The following ADGRL2 variants were observed in gnomAD, a reference collection of about 807,000 sequenced individuals.
The protein encoded by ADGRL2 is calcium-independent alpha-latrotoxin receptor 2.
A neutral mutation model predicts 157.4 loss-of-function variants in ADGRL2; 44 were observed. That is an observed-to-expected ratio of 0.28 (90% CI 0.22 to 0.36). The LOEUF (loss-of-function observed/expected upper bound fraction) is 0.36, where lower values mean the gene tolerates loss of function less well. Ranked by LOEUF, ADGRL2 falls within the 10% of genes least tolerant of loss-of-function variation. The probability of loss-of-function intolerance (pLI) is 1.00; values close to 1 mark genes in which losing one functional copy is unlikely to be tolerated. For synonymous variants in ADGRL2, 585 were observed against 624.7 expected, an observed-to-expected ratio of 0.94 and a Z score of 0.95; for missense variants, 1,510 against 1,768.9, an observed-to-expected ratio of 0.85 and a Z score of 2.63.
intron 2 of ADGRL2, among the ~76,000 whole-genome samples, chr1:81,538,199 G>T (rs2148302607): frequency 6.6e-6 from 1 of 152,180 alleles, no homozygotes; most frequent in Non-Finnish European, 1.5e-5. Context: ...GAATTTTGTT[G>T]GGTTATCATG....
intron 2 of ADGRL2, among the ~76,000 whole-genome samples, chr1:81,459,562 C>G (rs2077878126): frequency 6.6e-6 from 1 of 152,020 alleles, no homozygotes; most frequent in Non-Finnish European, 1.5e-5. Context: ...TTTTCTTTAT[C>G]CATTCATCTG....
chr1:81,451,812 T>G (rs532833696), intron 2 of ADGRL2, among the ~76,000 whole-genome samples: 1 of 152,330 alleles, frequency 6.6e-6, no homozygotes, highest in Non-Finnish European at 1.5e-5. Context: ...TTTTGTTAAT[T>G]AAAACCACTC....
chr1:81,789,837 T>TA (rs1279831683), intron 2 of ADGRL2, among the ~76,000 whole-genome samples: 2 of 151,998 alleles, frequency 1.3e-5, no homozygotes, highest in Admixed American at 6.6e-5. Context: ...ATAATATTAA[T>TA]AAAAAAATTT....
chr1:81,618,410 T>A (rs2081711142), intron 3 of ADGRL2, among the ~76,000 whole-genome samples: 1 of 152,212 alleles, frequency 6.6e-6, no homozygotes, highest in Admixed American at 6.5e-5. Flanking sequence ...ACAGAAAGTT[T>A]CCCATGTAAT....
At chr1:81,800,633 CGCGCTTCGCGG>C (rs909497973), upstream of ADGRL2, 10 of 152,060 alleles carry the variant, frequency 6.6e-5, no homozygotes, top group Admixed American at 5.9e-4. Context: ...CTCGGAGCGC[CGCGCTTCGCGG>C]CGCTCTCCCA....
chr1:81,489,068 T>C (rs781414260), intron 2 of ADGRL2, among the ~76,000 whole-genome samples: 4 of 151,992 alleles, frequency 2.6e-5, no homozygotes, highest in Non-Finnish European at 5.9e-5. Context: ...TGAAACCCTG[T>C]CTCTACTAAA....
chr1:81,828,814 C>A (rs186771042), intron 1 of ADGRL2, among the ~76,000 whole-genome samples: 36 of 152,092 alleles, frequency 2.4e-4, no homozygotes, highest in Admixed American at 1.6e-3. Flanking sequence ...TTTTTCATAC[C>A]TAACAGCCAC....
At chr1:81,939,019 T>C (rs955637816) in intron 4 of ADGRL2, among the ~76,000 whole-genome samples, 32 of 151,628 alleles carry the variant, frequency 2.1e-4, no homozygotes, top group African/African-American at 7.5e-4. Context: ...ACATTTATTA[T>C]GTGTTTTTTA....
At chr1:81,659,600 G>A (rs955105336) in intron 3 of ADGRL2, among the ~76,000 whole-genome samples, 15 of 152,072 alleles carry the variant, frequency 9.9e-5, no homozygotes, top group Admixed American at 1.3e-4. Flanking sequence ...TGGATTGACC[G>A]CAGGATGTGT....
At chr1:81,582,374 A>T (rs114526004) in intron 3 of ADGRL2, among the ~76,000 whole-genome samples, 3,110 of 152,186 alleles carry the variant, frequency 0.02, 105 homozygotes, top group African/African-American at 0.069. Context: ...ATACTTTTGC[A>T]TGGCTTCTGT....
intron 1 of ADGRL2, chr1:81,721,545 C>T: frequency 2.2e-5 from 9 of 415,078 alleles, no homozygotes; most frequent in Non-Finnish European, 3.9e-5. Flanking sequence ...CTCTTGAGCC[C>T]AGGAGTTCAG....
chr1:81,412,299 T>C (rs962581586), intron 1 of ADGRL2, among the ~76,000 whole-genome samples: 5 of 152,228 alleles, frequency 3.3e-5, no homozygotes, highest in African/African-American at 1.2e-4. Context: ...TGAATCATTA[T>C]ATCATGTTAT....
intron 1 of ADGRL2, among the ~76,000 whole-genome samples, chr1:81,725,601 A>G (rs1231678658): frequency 2.0e-5 from 3 of 152,100 alleles, no homozygotes; most frequent in Admixed American, 2.0e-4. Flanking sequence ...TTATGTTAAC[A>G]TATGTTCTCC....
At chr1:81,898,355 T>C (rs2094430859) in intron 2 of ADGRL2, among the ~76,000 whole-genome samples, 1 of 152,186 alleles carries the variant, frequency 6.6e-6, no homozygotes, top group Non-Finnish European at 1.5e-5. Context: ...ATTGCATTCT[T>C]TTATTTTCTG....
At chr1:81,362,069 G>A (rs948954586) in intron 1 of ADGRL2, among the ~76,000 whole-genome samples, 3 of 151,722 alleles carry the variant, frequency 2.0e-5, no homozygotes, top group African/African-American at 7.3e-5. Context: ...CCTATATTAA[G>A]GCATCCCAAG....
At chr1:81,761,841 T>A (rs1170708566) in exon 2 of ADGRL2, 1 of 152,076 alleles carries the variant, frequency 6.6e-6, no homozygotes, top group Non-Finnish European at 1.5e-5. Flanking sequence ...AAATTTCATC[T>A]TTCCCAGAAT....
At chr1:81,532,598 C>CAAA (rs556846085) in intron 2 of ADGRL2, among the ~76,000 whole-genome samples, 2 of 124,328 alleles carry the variant, frequency 1.6e-5, no homozygotes, top group Non-Finnish European at 3.5e-5. Flanking sequence ...ATCTGGAAAC[C>CAAA]AAAAAAAAAA....
At chr1:81,881,333 G>A (rs1394904848) in intron 2 of ADGRL2, among the ~76,000 whole-genome samples, 5 of 152,166 alleles carry the variant, frequency 3.3e-5, no homozygotes, top group South Asian at 2.1e-4. Flanking sequence ...CCGCCGCCAC[G>A]CCCGGCTAAT....
intron 3 of ADGRL2, among the ~76,000 whole-genome samples, chr1:81,598,449 A>T (rs2081278186): frequency 6.6e-6 from 1 of 152,236 alleles, no homozygotes; most frequent in Admixed American, 6.5e-5. Flanking sequence ...TTCACCCTGT[A>T]CATATAATAA....
Sources: allele counts gnomAD v4.1 joint callset (sites outside exome capture counted in the v4.1 genomes callset), GRCh38; gene constraint gnomAD v4.1.1; transcripts MANE v1.5; gene names NCBI Gene and HGNC (gene_info 2026-07-23, HGNC 2026-07-21).